The following C14orf39 variants were observed in gnomAD, a reference collection of about 807,000 sequenced individuals.
The protein encoded by C14orf39 is chromosome 14 open reading frame 39.
Under a neutral mutation model 85.6 loss-of-function variants are expected in C14orf39, and 66 were observed. The ratio of observed to expected loss-of-function variants is 0.77; its 90% CI spans 0.63 to 0.95. The LOEUF (loss-of-function observed/expected upper bound fraction) is 0.95. Among genes scored for constraint, C14orf39 ranks in the 40% least tolerant of loss-of-function variants. The probability of loss-of-function intolerance (pLI) is 0.00; values close to 1 mark genes in which losing one functional copy is unlikely to be tolerated. For missense variants in C14orf39, 735 were observed against 663.9 expected (o/e 1.11, Z -1.18); for synonymous variants, 242 against 214.0 (o/e 1.13, Z -1.14).
At chr14:60,439,503 TCACAGAGAGAAGTTAAAATTGTTAC>T (rs1890407357) in intron 17 of C14orf39, among the ~76,000 whole-genome samples, 1 of 152,128 alleles carries the variant, frequency 6.6e-6, no homozygotes, top group South Asian at 2.1e-4. Context: ...GTAGTCACAG[TCACAGAGAGAAGTTAAAATTGTTAC>T]CATGCTCCAA....
In C14orf39 at chr14:60,468,523, T is replaced by C; in HGVS notation, c.689A>G (p.His230Arg). 6.3e-7 allele frequency: 1 copy of C among 1,577,802 alleles called. No homozygotes were observed. The highest frequency in any genetic ancestry group is 8.6e-7 in the Non-Finnish European group (1 of 1,161,338). Residue 230 changes from histidine (H) to arginine (R), a missense_variant, in exon 9 of 18, where the codon CAT becomes CGT. Physicochemically the swap from His to Arg is conservative, Grantham distance 29. Transcript: ENST00000321731. The stretch of plus-strand genomic sequence containing the variant: ...TTCTGAAAGAGCCTTAGTTTCATTA[T>C]GCCTAGATATCTGCTAAAAAGACAA... ...INYLNQQISR[H>R]NETKALSETL...
chr14:60,485,380 G>A (rs1179305703), intron 1 of C14orf39, among the ~76,000 whole-genome samples: 1 of 152,154 alleles, frequency 6.6e-6, no homozygotes, highest in African/African-American at 2.4e-5. Flanking sequence ...ACAAGCATCC[G>A]GATCTTCCAG....
At chr14:60,510,100 T>C in intron 1 of C14orf39, 1 of 826,624 alleles carries the variant, frequency 1.2e-6, no homozygotes, top group African/African-American at 1.7e-5. Flanking sequence ...TGTCTTGGGT[T>C]AAGAGCCCTG....
In C14orf39 at chr14:60,496,078, C is replaced by A. The variant is rs78552779; in HGVS notation, c.-9+3218G>T. The A allele has an allele frequency of 9.8e-3, 7,734 of 787,262 alleles. 99 individuals carry two copies. The highest frequency in any genetic ancestry group is 0.03 in the South Asian group (2,201 of 73,950). 48.8% of individuals were successfully genotyped at this position (787,262 alleles called of 1,614,324 possible). Reference sequence around the variant, plus strand: ...TGTTTCAAGGCATCCAGAGACAGACCTTGGCTTCCAGTGTTCTGACTGAGC... The same window carrying A: ...TGTTTCAAGGCATCCAGAGACAGACATTGGCTTCCAGTGTTCTGACTGAGC... On this transcript the variant is annotated intron_variant, in intron 2 of 5. Coordinates refer to the C14orf39 transcript ENST00000556799.
At chr14:60,459,439 T>C (rs1891422749) in intron 13 of C14orf39, among the ~76,000 whole-genome samples, 2 of 151,846 alleles carry the variant, frequency 1.3e-5, no homozygotes, top group Non-Finnish European at 1.5e-5. Flanking sequence ...TCTCTCATTT[T>C]ACTAGATGCC....
intron 9 of C14orf39, among the ~76,000 whole-genome samples, chr14:60,467,644 T>A (rs964278255): frequency 6.6e-6 from 1 of 151,778 alleles, no homozygotes; most frequent in African/African-American, 2.4e-5. Context: ...ATTCTGTCTA[T>A]TTACCTATTT....
At chr14:60,470,425 T>C (rs965304099) in intron 7 of C14orf39, among the ~76,000 whole-genome samples, 3 of 151,924 alleles carry the variant, frequency 2.0e-5, no homozygotes, top group Non-Finnish European at 4.4e-5. Flanking sequence ...AAATTTCAAG[T>C]GAATCATGAT....
At chr14:60,474,313 T>G (rs965166625) in intron 5 of C14orf39, among the ~76,000 whole-genome samples, 10 of 152,068 alleles carry the variant, frequency 6.6e-5, no homozygotes, top group East Asian at 1.9e-4. Flanking sequence ...GAGACAATGG[T>G]GTTTTCTAGA....
Position 60,461,235 on chromosome 14 carries a change from G to C in C14orf39, c.1117+119C>G, listed in dbSNP as rs546568989. 5.6e-5 allele frequency: 40 copies of C among 718,874 alleles called. 1 individual carries two copies. In the East Asian group the frequency reaches 1.0e-3, roughly 19 times the overall value. The allele number at this position is 718,874 out of a possible 1,614,324, so 44.5% of individuals were successfully genotyped here. On this transcript the variant is annotated intron_variant, in intron 13 of 17. Transcript: ENST00000321731. ...TAGGGAAGATGTATTTTAAAGCCAG[G>C]CGTGCATGGTCAGTTAACCAGAGAT... is the stretch of plus-strand genomic sequence containing the variant.
intron 5 of C14orf39, among the ~76,000 whole-genome samples, chr14:60,476,607 T>G (rs1392208947): frequency 6.6e-6 from 1 of 152,204 alleles, no homozygotes. Flanking sequence ...CTCACAGAAG[T>G]CCTCTATAAC....
intron 11 of C14orf39, among the ~76,000 whole-genome samples, chr14:60,462,115 T>C (rs1329524985): frequency 6.6e-6 from 1 of 152,146 alleles, no homozygotes; most frequent in African/African-American, 2.4e-5. Context: ...GACTTATGCC[T>C]GTAATCCCAA....
In C14orf39 at chr14:60,457,012, C is replaced by T. The variant is rs746977921; in HGVS notation, c.1263G>A (p.Thr421=). Residue 421 remains threonine, a synonymous_variant, in exon 15 of 18, where the codon ACG becomes ACA. Coordinates refer to ENST00000321731, the MANE Select transcript of C14orf39 (RefSeq NM_174978.3). ...VEERAENFPR[T]SEIPIFLGTP... is the part of the protein sequence containing the mutation. ...TTCCTAAAAATATAGGAATTTCAGA[C>T]GTTCGTGGAAAATTCTCAGCTCTCT... 4 of 1,610,832 alleles carry T rather than the reference C, an allele frequency of 2.5e-6. No individual in the cohort carries two copies. The highest frequency in any genetic ancestry group is 1.7e-6 in the Non-Finnish European group (2 of 1,178,318).
intron 14 of C14orf39, among the ~76,000 whole-genome samples, chr14:60,458,440 A>T (rs1028593752): frequency 6.6e-6 from 1 of 151,896 alleles, no homozygotes; most frequent in African/African-American, 2.4e-5. Context: ...TGTTGCTGCA[A>T]ATAACTAAAT....
intron 16 of C14orf39, among the ~76,000 whole-genome samples, chr14:60,445,597 C>T (rs1170995447): frequency 2.0e-5 from 3 of 152,284 alleles, no homozygotes; most frequent in South Asian, 4.1e-4. Flanking sequence ...GAGACTTAGA[C>T]TCCCACATAA....
chr14:60,469,177 T>C (rs1462436429), intron 8 of C14orf39, among the ~76,000 whole-genome samples: 1 of 151,040 alleles, frequency 6.6e-6, no homozygotes, highest in Non-Finnish European at 1.5e-5. Flanking sequence ...AACACTGGCG[T>C]AGATCTTTTA....
intron 1 of C14orf39, among the ~76,000 whole-genome samples, chr14:60,501,381 T>C (rs1032613252): frequency 3.5e-5 from 5 of 142,342 alleles, no homozygotes; most frequent in Admixed American, 7.0e-5. Context: ...CATCCACACA[T>C]CCACACATAG....
Position 60,436,201 on chromosome 14 carries a change from CACT to C in C14orf39, c.*641_*643del, listed in dbSNP as rs1321894744. 1 of 151,924 alleles carries C rather than the reference CACT, an allele frequency of 6.6e-6. No homozygotes were observed. The highest frequency in any genetic ancestry group is 6.6e-5 in the Admixed American group (1 of 15,240). The allele number at this position is 151,924 out of a possible 1,614,324, so 9.4% of individuals were successfully genotyped here. On this transcript the variant is annotated 3_prime_UTR_variant, in exon 18 of 18. Coordinates refer to ENST00000321731, the MANE Select transcript of C14orf39 (RefSeq NM_174978.3). ...CAAAAAAGAATATTAACAGGATCAC[CACT>C]GATACAACAATCCAATTTTCAGAAA...
chr14:60,439,016 A>G (rs1472518483), intron 17 of C14orf39, among the ~76,000 whole-genome samples: 2 of 152,212 alleles, frequency 1.3e-5, no homozygotes, highest in African/African-American at 4.8e-5. Flanking sequence ...ATGGTTTACA[A>G]GAATTTATAG....
chr14:60,469,224 T>A (rs1254828720), intron 8 of C14orf39, among the ~76,000 whole-genome samples: 6 of 150,456 alleles, frequency 4.0e-5, no homozygotes, highest in Admixed American at 2.0e-4. Flanking sequence ...TGCATCTTAT[T>A]CCTTCCTCAT....
Sources: gnomAD v4.1 joint callset for allele counts (sites outside exome capture counted in the v4.1 genomes callset) on GRCh38, gnomAD v4.1.1 for gene constraint, MANE v1.5 for transcripts, NCBI Gene and HGNC (gene_info 2026-07-23, HGNC 2026-07-21) for gene names.